The following COG6 variants were observed in gnomAD, a reference collection of about 807,000 sequenced individuals.
COG6 encodes the protein component of oligomeric golgi complex 6, also known as conserved oligomeric Golgi complex subunit 6.
A neutral mutation model predicts 88.8 loss-of-function variants in COG6; 74 were observed. The observed-to-expected ratio is 0.83, with a 90% CI of 0.69 to 1.01. The LOEUF (loss-of-function observed/expected upper bound fraction) is 1.01. COG6 is among the 50% of genes least tolerant of loss of function. COG6 has a pLI of 0.00. For synonymous variants in COG6, 286 were observed against 278.7 expected (o/e 1.03, Z -0.26); for missense variants, 800 against 797.9 (o/e 1.00, Z -0.03).
In COG6 at chr13:39,683,367, C is replaced by T. The variant is rs75869535; in HGVS notation, c.788+1103C>T. On this transcript the variant is annotated intron_variant, in intron 8 of 18. Coordinates refer to ENST00000455146, the MANE Select transcript of COG6 (RefSeq NM_020751.3). The stretch of plus-strand genomic sequence containing the variant: ...TTAGGTATAAAGTGAGTTCTGAAGG[C>T]TGAATAGGCATTTTCCTAGAAGTAA... Among the ~76,000 whole-genome samples the T allele has an allele frequency of 5.5e-3, 835 of 152,184 alleles. 26 individuals are homozygous for T. In the East Asian group the frequency reaches 0.071, roughly 13 times the overall value.
intron 18 of COG6, among the ~76,000 whole-genome samples, chr13:39,785,736 C>T (rs1044732810): frequency 1.3e-5 from 2 of 152,166 alleles, no homozygotes; most frequent in African/African-American, 4.8e-5. Flanking sequence ...GAGACCTCAG[C>T]TGGAAGATTA....
intron 13 of COG6, among the ~76,000 whole-genome samples, chr13:39,710,466 T>C (rs1286334989): frequency 1.3e-5 from 2 of 152,048 alleles, no homozygotes; most frequent in Non-Finnish European, 2.9e-5. Context: ...AAAGTGGGTA[T>C]GGAGGAGCAA....
At chr13:39,727,415 T>G in intron 17 of COG6, 54 bp from the exon 18 acceptor site, 1 of 1,268,636 alleles carries the variant, frequency 7.9e-7, no homozygotes, top group Non-Finnish European at 1.2e-6. Context: ...ATATTTGAGT[T>G]GTTTGTTAGC....
downstream of COG6, among the ~76,000 whole-genome samples, chr13:39,754,269 GAAT>G: frequency 6.6e-6 from 1 of 152,224 alleles, no homozygotes; most frequent in African/African-American, 2.4e-5. Flanking sequence ...TTTCTATCCA[GAAT>G]AATGTTAGCT....
At chr13:39,667,300 C>G (rs1455340489) in intron 4 of COG6, among the ~76,000 whole-genome samples, 1 of 152,110 alleles carries the variant, frequency 6.6e-6, no homozygotes, top group Non-Finnish European at 1.5e-5. Context: ...TGCATTTAAT[C>G]CCCTTTTTGT....
intron 1 of COG6, among the ~76,000 whole-genome samples, chr13:39,659,084 C>T (rs1874719386): frequency 6.6e-6 from 1 of 151,906 alleles, no homozygotes; most frequent in African/African-American, 2.4e-5. Context: ...TTTATTTAAC[C>T]AATCCCTTTT....
chr13:39,787,389 G>A (rs1881807124), intron 18 of COG6, among the ~76,000 whole-genome samples: 1 of 152,122 alleles, frequency 6.6e-6, no homozygotes, highest in South Asian at 2.1e-4. Context: ...TGCGTGTGGT[G>A]TGTGTGGTGT....
intron 18 of COG6, among the ~76,000 whole-genome samples, chr13:39,778,405 T>C (rs1881527602): frequency 6.6e-6 from 1 of 152,218 alleles, no homozygotes; most frequent in Non-Finnish European, 1.5e-5. Context: ...ATGTGCATTA[T>C]TGATTTCTAA....
chr13:39,694,613 T>C, intron 11 of COG6, 21 bp from the exon 12 acceptor site: 2 of 1,409,082 alleles, frequency 1.4e-6, no homozygotes, highest in Non-Finnish European at 2.0e-6. Context: ...ATGTTTACTT[T>C]CCTCTCACAT....
chr13:39,705,428 C>T (rs963877251), intron 13 of COG6, among the ~76,000 whole-genome samples: 1 of 152,088 alleles, frequency 6.6e-6, no homozygotes, highest in Admixed American at 6.6e-5. Context: ...TTATCAAGCT[C>T]TCCTGAAATA....
intron 18 of COG6, among the ~76,000 whole-genome samples, chr13:39,762,081 A>G (rs1336515450): frequency 6.6e-6 from 1 of 152,022 alleles, no homozygotes; most frequent in Non-Finnish European, 1.5e-5. Context: ...TTATTGCAGC[A>G]CTATTCACAA....
chr13:39,687,627 T>C lies in COG6; in HGVS notation c.913T>C (p.Leu305=), dbSNP rs377181709. The C allele has an allele frequency of 1.2e-6, 2 of 1,613,884 alleles. No homozygotes were observed. Among genetic ancestry groups the C allele is most frequent in the African/African-American group, 1.3e-5 (1 of 74,962 alleles). The change falls in exon 9 of 19, where the codon TTG becomes CTG. Residue 305 remains leucine, a synonymous_variant. Transcript: ENST00000455146. ...AATTGAAATGCATTCTCATGACCCT[T>C]TGAGGTATAGTAATCAGACAGCAGA... is the stretch of plus-strand genomic sequence containing the variant. ...RPIEMHSHDP[L]RYVGDMLAWL...
chr13:39,707,585 T>C (rs547241430), intron 13 of COG6, among the ~76,000 whole-genome samples: 152 of 152,232 alleles, frequency 1.0e-3, no homozygotes, highest in Admixed American at 1.6e-3. Flanking sequence ...AGTCAATATC[T>C]AACCCCGGTG....
chr13:39,694,955 G>GCGCACA (rs1555277402), intron 12 of COG6, among the ~76,000 whole-genome samples: 241 of 142,640 alleles, frequency 1.7e-3, no homozygotes, highest in African/African-American at 6.0e-3. Context: ...TTAACTACAC[G>GCGCACA]CACACACACA....
Position 39,719,287 on chromosome 13 carries a change from C to T in COG6, c.1336C>T (p.Leu446Phe), listed in dbSNP as rs1446228453. 2 of 1,612,842 alleles carry T rather than the reference C, an allele frequency of 1.2e-6. No homozygotes were observed. The highest frequency in any genetic ancestry group is 1.7e-4 in the Middle Eastern group (1 of 6,052). ...LGPSSALNQT[L>F]MLLREVLASH... is the part of the protein sequence containing the mutation. Reference sequence around the variant, plus strand: ...ACCAAGTTCTGCACTAAATCAGACACTCATGTTGCTGCGTGAAGTTTTAGC... The same window carrying T: ...ACCAAGTTCTGCACTAAATCAGACATTCATGTTGCTGCGTGAAGTTTTAGC... Residue 446 changes from leucine (L) to phenylalanine (F), a missense_variant, in exon 14 of 19, where the codon CTC becomes TTC. Transcript: ENST00000455146.
intron 11 of COG6, 56 bp downstream of exon 11, chr13:39,689,880 A>T: frequency 8.9e-7 from 1 of 1,117,752 alleles, no homozygotes; most frequent in Middle Eastern, 2.2e-4. Context: ...TTATTACCTT[A>T]TTTATAGAAA....
intron 18 of COG6, 102 bp downstream of exon 18, chr13:39,727,650 A>G: frequency 1.1e-6 from 1 of 887,612 alleles, no homozygotes; most frequent in Admixed American, 1.8e-5. Context: ...TAAATGATTT[A>G]CCATTGAAAA....
intron 18 of COG6, among the ~76,000 whole-genome samples, chr13:39,735,651 A>T: frequency 6.8e-6 from 1 of 147,000 alleles, no homozygotes; most frequent in Non-Finnish European, 1.5e-5. Flanking sequence ...TTTCTTTCAG[A>T]TTGAAGAACT....
rs374334273 is a variant in COG6 at position 39,723,449 on chromosome 13, A to G, written c.1692+9A>G. On this transcript the variant is annotated intron_variant, in intron 16 of 18. Coordinates refer to ENST00000455146, the MANE Select transcript of COG6 (RefSeq NM_020751.3). ...AACATAAACCTGAACAGGTAAGTGC[A>G]TAGATGTTCCTTCCTAATTCTAAGA... 2.4e-5 allele frequency: 35 copies of G among 1,443,470 alleles called. No individual in the cohort carries two copies. The highest frequency in any genetic ancestry group is 6.7e-5 in the Admixed American group (4 of 59,564). The allele number at this position is 1,443,470 out of a possible 1,614,324, so 89.4% of individuals were successfully genotyped here.
Sources: gnomAD v4.1 joint callset for allele counts (sites outside exome capture counted in the v4.1 genomes callset) on GRCh38, gnomAD v4.1.1 for gene constraint, MANE v1.5 for transcripts, NCBI Gene and HGNC (gene_info 2026-07-23, HGNC 2026-07-21) for gene names.